The following ZNF672 variants were observed in gnomAD, a reference collection of about 807,000 sequenced individuals.
ZNF672 encodes hypothetical protein FLJ22301.
For synonymous variants in ZNF672, 358 were observed against 305.6 expected, an observed-to-expected ratio of 1.17 and a Z score of -1.79; for missense variants, 733 against 701.1, an observed-to-expected ratio of 1.05 and a Z score of -0.51.
At position 248,848,858 on chromosome 1, in the gene ZNF672, C is replaced by G. The variant is rs147819923; in HGVS notation, c.*225C>G. The G allele has an allele frequency of 6.6e-6, 5 of 752,064 alleles. No individual in the cohort carries two copies. The highest frequency in any genetic ancestry group is 1.2e-5 in the Non-Finnish European group (5 of 418,700). 46.6% of individuals were successfully genotyped at this position (752,064 alleles called of 1,614,324 possible). On this transcript the variant is annotated 3_prime_UTR_variant, in exon 4 of 4. Coordinates refer to ENST00000306562, the MANE Select transcript of ZNF672 (RefSeq NM_024836.3). ...ATGCTGTCCTCGTATAACTCGGATT[C>G]TCTCCTCAGGTGTAGGTGCAGGGAG...
rs1664610159 is a variant in ZNF672 at position 248,838,452 on chromosome 1, C to T, written c.-574C>T. 6.6e-6 allele frequency: 1 copy of T among 152,236 alleles called. No individual in the cohort carries two copies. The highest frequency in any genetic ancestry group is 6.5e-5 in the Admixed American group (1 of 15,288). 9.4% of individuals were successfully genotyped at this position (152,236 alleles called of 1,614,324 possible). ...CGGAGGCCGCGCGCGCCGTTAGCCC[C>T]TTCCTCGCTCCCCCGCCCCAGTCCC... On this transcript the variant is annotated 5_prime_UTR_variant, in exon 1 of 4. Coordinates refer to ENST00000306562, the MANE Select transcript of ZNF672 (RefSeq NM_024836.3).
intron 1 of ZNF672, among the ~76,000 whole-genome samples, chr1:248,840,228 C>T (rs949938010): frequency 2.6e-5 from 4 of 151,912 alleles, no homozygotes; most frequent in Non-Finnish European, 5.9e-5. Context: ...TTAGCCAATA[C>T]TACAGGCGCG....
intron 1 of ZNF672, chr1:248,842,711 T>A (rs1356699698): frequency 6.6e-6 from 1 of 152,116 alleles, no homozygotes; most frequent in Non-Finnish European, 1.5e-5. Context: ...TTCTATCTCA[T>A]CTGGATTTCA....
chr1:248,847,965 GA>G lies in ZNF672; in HGVS notation c.692del (p.Glu231GlyfsTer224). 6.4e-7 allele frequency: 1 copy of G among 1,565,180 alleles called. No individual in the cohort carries two copies. Among genetic ancestry groups the G allele is most frequent in the Non-Finnish European group, 8.6e-7 (1 of 1,156,344 alleles). On this transcript the variant is annotated frameshift_variant, in exon 4 of 4. Coordinates refer to ENST00000306562, the MANE Select transcript of ZNF672 (RefSeq NM_024836.3). LOFTEE classifies it low-confidence loss of function (END_TRUNC). ...GGGGGAGAAACCCTTCAAGTGCCCGGAGTGCGGCAAGGGCTTCCTGGAGAGC... is the reference window on the plus strand; with the variant it reads ...GGGGGAGAAACCCTTCAAGTGCCCGGGTGCGGCAAGGGCTTCCTGGAGAGC... ...HSGEKPFKCP[E>X]CGKGFLESAT...
intron 1 of ZNF672, among the ~76,000 whole-genome samples, chr1:248,841,410 G>C (rs1177835808): frequency 1.3e-5 from 2 of 152,160 alleles, no homozygotes; most frequent in Admixed American, 6.5e-5. Context: ...CTCCCACTAT[G>C]TATGTTCTCT....
chr1:248,838,980 C>G (rs544861561), intron 1 of ZNF672: 1 of 152,418 alleles, frequency 6.6e-6, no homozygotes, highest in South Asian at 2.1e-4. Context: ...GGGGCTCGCT[C>G]AAAGAAAGTT....
At position 248,847,416 on chromosome 1, in the gene ZNF672, G is replaced by C; in HGVS notation, c.142G>C (p.Gly48Arg). ...GDGRFRCLEC[G>R]ERCARAADLR... ...CGGCCGCTTCCGTTGCCTAGAATGC[G>C]GTGAGCGCTGTGCACGGGCTGCTGA... Residue 48 changes from glycine to arginine, a missense_variant, in exon 4 of 4, where the codon GGT becomes CGT. Gly to Arg is a moderately radical substitution (Grantham distance 125). Transcript: ENST00000306562. 6 of 1,593,968 alleles carry C rather than the reference G, an allele frequency of 3.8e-6. No individual in the cohort carries two copies. The highest frequency in any genetic ancestry group is 5.1e-6 in the Non-Finnish European group (6 of 1,170,082).
chr1:248,839,704 C>T (rs1419034718), intron 1 of ZNF672, among the ~76,000 whole-genome samples: 2 of 151,124 alleles, frequency 1.3e-5, no homozygotes, highest in Non-Finnish European at 2.9e-5. Flanking sequence ...TCCTAAGCAC[C>T]GGGCAACCGC....
At chr1:248,843,192 G>A (rs1043253264) in intron 1 of ZNF672, among the ~76,000 whole-genome samples, 1 of 152,162 alleles carries the variant, frequency 6.6e-6, no homozygotes, top group Non-Finnish European at 1.5e-5. Flanking sequence ...GCCTGTATAG[G>A]AAGCCCAGAT....
intron 1 of ZNF672, among the ~76,000 whole-genome samples, chr1:248,844,019 C>T (rs188927185): frequency 2.0e-5 from 3 of 152,226 alleles, no homozygotes; most frequent in Admixed American, 6.5e-5. Context: ...TTTGTCCCAC[C>T]CCAGAAATGC....
At chr1:248,841,866 C>T (rs567807329) in intron 1 of ZNF672, among the ~76,000 whole-genome samples, 14 of 151,338 alleles carry the variant, frequency 9.3e-5, no homozygotes, top group Admixed American at 2.6e-4. Context: ...TGCAGTGAGC[C>T]GAGATCACAC....
At position 248,847,865 on chromosome 1, in the gene ZNF672, C is replaced by T. The variant is rs1659205604; in HGVS notation, c.591C>T (p.Asp197=). Residue 197 remains aspartate (D), a synonymous_variant, in exon 4 of 4, where the codon GAC becomes GAT. Transcript: ENST00000306562. ...GCCCCACGCGACCCCGTGTCTCAGA[C>T]GCCCACCAGTGTGGCGTGTGCGGCA... The part of the protein sequence containing the change: ...SRSPTRPRVS[D]AHQCGVCGKC... 6 of 1,586,842 alleles carry T rather than the reference C, an allele frequency of 3.8e-6. No homozygotes were observed. The highest frequency in any genetic ancestry group is 4.3e-6 in the Non-Finnish European group (5 of 1,169,936).
rs536446125 is a variant in ZNF672, at chr1:248,839,862, C to G, written c.-475+1311C>G. On this transcript the variant is annotated intron_variant, in intron 1 of 3. Transcript: ENST00000306562. ...CAAGTGATCCTCCCACCTCACCCTT[C>G]CCAGTAGCTGAGACTACAGACGGGC... 3.3e-3 allele frequency among the ~76,000 whole-genome samples: 492 copies of G among 149,972 alleles called. 3 individuals are homozygous for G. Among genetic ancestry groups the G allele is most frequent in the Non-Finnish European group, 5.5e-3 (375 of 67,740 alleles).
In ZNF672 at chr1:248,847,926, C is replaced by A. The variant is rs773021451; in HGVS notation, c.652C>A (p.Leu218Met). The A allele has an allele frequency of 6.3e-7, 1 of 1,579,556 alleles. No individual in the cohort carries two copies. Among genetic ancestry groups the A allele is most frequent in the Non-Finnish European group, 8.6e-7 (1 of 1,163,938 alleles). The change falls in exon 4 of 4, where the codon CTG becomes ATG. Residue 218 changes from leucine to methionine, a missense_variant. Coordinates refer to ENST00000306562, the MANE Select transcript of ZNF672 (RefSeq NM_024836.3). ...CAAGAGCTCTACGCTGACGCGACAC[C>A]TGCAGACGCACTCGGGGGAGAAACC... ...FGKSSTLTRHLQTHSGEKPFK... is the reference protein window; with the variant it reads ...FGKSSTLTRHMQTHSGEKPFK...
intron 1 of ZNF672, among the ~76,000 whole-genome samples, chr1:248,840,231 C>T (rs767758366): frequency 2.6e-5 from 4 of 152,028 alleles, no homozygotes; most frequent in Non-Finnish European, 4.4e-5. Context: ...GCCAATACTA[C>T]AGGCGCGTGC....
In ZNF672 at chr1:248,847,745, C is replaced by A; in HGVS notation, c.471C>A (p.Asp157Glu). 6.8e-7 allele frequency: 1 copy of A among 1,480,712 alleles called. No homozygotes were observed. Among genetic ancestry groups the A allele is most frequent in the Non-Finnish European group, 8.9e-7 (1 of 1,117,726 alleles). 91.7% of individuals were successfully genotyped at this position (1,480,712 alleles called of 1,614,324 possible). The change falls in exon 4 of 4, where the codon GAC becomes GAA. Residue 157 changes from aspartate (D) to glutamate (E), a missense_variant. Coordinates refer to ENST00000306562, the MANE Select transcript of ZNF672 (RefSeq NM_024836.3). Reference sequence around the variant, plus strand: ...CGCACCCCTTGGGGACAACCTCTGACCCTGCTGCCCCACCCCACCGCTGCG... The same window carrying A: ...CGCACCCCTTGGGGACAACCTCTGAACCTGCTGCCCCACCCCACCGCTGCG... ...ARAHPLGTTSDPAAPPHRCAQ... is the reference protein window; with the variant it reads ...ARAHPLGTTSEPAAPPHRCAQ...
rs963785182 is a variant in ZNF672 at position 248,841,368 on chromosome 1, A to G, written c.-475+2817A>G. Among the ~76,000 whole-genome samples, 5 of 152,136 alleles carry G rather than the reference A, an allele frequency of 3.3e-5. No homozygotes were observed. In the East Asian group the frequency reaches 7.7e-4, roughly 23 times the overall value. On this transcript the variant is annotated intron_variant, in intron 1 of 3. Transcript: ENST00000306562. ...GGGGCTCTGGCCACTCTGGGCTTCA[A>G]TGTTGCCTGTGTCTCAGAAGGACAG... is the stretch of plus-strand genomic sequence containing the variant.
At position 248,848,010 on chromosome 1, in the gene ZNF672, C is replaced by G. The variant is rs529420342; in HGVS notation, c.736C>G (p.Gln246Glu). Residue 246 changes from glutamine (Q) to glutamate (E), a missense_variant, in exon 4 of 4, where the codon CAG becomes GAG. By Grantham distance (29) the Gln-to-Glu change is conservative. Transcript: ENST00000306562. ...GGAGAGCGCCACGCTGGTGCGCCACCAGCGCACACACACGGGCGAGAAGCC... is the reference window on the plus strand; with the variant it reads ...GGAGAGCGCCACGCTGGTGCGCCACGAGCGCACACACACGGGCGAGAAGCC... ...FLESATLVRH[Q>E]RTHTGEKPYA... The G allele has an allele frequency of 8.4e-6, 13 of 1,556,642 alleles. No homozygotes were observed. In the East Asian group the frequency reaches 3.1e-4, roughly 38 times the overall value.
rs1036096228 is a variant in ZNF672 at position 248,847,944 on chromosome 1, G to A, written c.670G>A (p.Glu224Lys). Residue 224 changes from glutamate to lysine, a missense_variant, in exon 4 of 4, where the codon GAG becomes AAG. Transcript: ENST00000306562. Reference protein sequence around the residue: ...LTRHLQTHSGEKPFKCPECGK... With the variant: ...LTRHLQTHSGKKPFKCPECGK... Reference sequence around the variant, plus strand: ...GCGACACCTGCAGACGCACTCGGGGGAGAAACCCTTCAAGTGCCCGGAGTG... The same window carrying A: ...GCGACACCTGCAGACGCACTCGGGGAAGAAACCCTTCAAGTGCCCGGAGTG... 18 of 1,573,668 alleles carry A rather than the reference G, an allele frequency of 1.1e-5. No individual in the cohort carries two copies. The Middle Eastern group carries it at 1.8e-3, about 160-fold the overall frequency.
Sources: gnomAD v4.1 joint callset for allele counts (sites outside exome capture counted in the v4.1 genomes callset) on GRCh38, gnomAD v4.1.1 for gene constraint, MANE v1.5 for transcripts, NCBI Gene and HGNC (gene_info 2026-07-23, HGNC 2026-07-21) for gene names.